Variants in PIP5K1B observed in about 807,000 individuals in gnomAD.
PIP5K1B encodes phosphatidylinositol-4-phosphate 5-kinase type 1 beta.
PIP5K1B carries 42 observed loss-of-function variants against 67.0 expected under a neutral mutation model. The observed-to-expected ratio is 0.63, with a 90% CI of 0.49 to 0.81. The LOEUF is 0.81. Among genes scored for constraint, PIP5K1B ranks in the 30% least tolerant of loss-of-function variants. PIP5K1B has a pLI of 0.00. For synonymous variants in PIP5K1B, 214 were observed against 231.4 expected (o/e 0.92, Z 0.68); for missense variants, 459 against 646.3 (o/e 0.71, Z 3.14).
At chr9:68,794,714 T>A (rs886561769) in intron 2 of PIP5K1B, among the ~76,000 whole-genome samples, 3 of 144,200 alleles carry the variant, frequency 2.1e-5, no homozygotes, top group Admixed American at 6.9e-5. Context: ...AAAAAAAAAA[T>A]AGTTCATTGT....
At position 68,876,854 on chromosome 9, in the gene PIP5K1B, T is replaced by C. The variant is rs539230655; in HGVS notation, c.318+60T>C. 8.1e-6 allele frequency: 7 copies of C among 862,578 alleles called. No homozygotes were observed. In the East Asian group the frequency reaches 1.5e-4, roughly 18 times the overall value. The allele number at this position is 862,578 out of a possible 1,614,324, so 53.4% of individuals were successfully genotyped here. ...ATGTGTGATGTAAACATTTGTCTCA[T>C]AGCAACAGCAACAAGTGGCTTGTGT... On this transcript the variant is annotated intron_variant, in intron 6 of 15. Transcript: ENST00000265382.
At chr9:68,740,411 G>C (rs1369872966) in intron 1 of PIP5K1B, among the ~76,000 whole-genome samples, 1 of 152,180 alleles carries the variant, frequency 6.6e-6, no homozygotes, top group Non-Finnish European at 1.5e-5. Context: ...ACAGTCTCTT[G>C]GGTTCAGTGG....
intron 1 of PIP5K1B, among the ~76,000 whole-genome samples, chr9:68,737,381 A>C (rs938172923): frequency 5.9e-5 from 9 of 152,238 alleles, no homozygotes; most frequent in African/African-American, 2.2e-4. Context: ...GGACAGGATT[A>C]GACTATTGCT....
intron 2 of PIP5K1B, among the ~76,000 whole-genome samples, chr9:68,763,384 C>T (rs572700944): frequency 5.9e-5 from 9 of 152,150 alleles, no homozygotes; most frequent in Admixed American, 1.3e-4. Context: ...CACTACCTAC[C>T]TTGTGGGGTT....
At chr9:68,718,809 T>C (rs1226971268) in intron 1 of PIP5K1B, among the ~76,000 whole-genome samples, 1 of 152,210 alleles carries the variant, frequency 6.6e-6, no homozygotes, top group East Asian at 1.9e-4. Context: ...TGCTGTCTTC[T>C]AAAATCTTGT....
intron 4 of PIP5K1B, among the ~76,000 whole-genome samples, chr9:68,844,982 G>A (rs1370374999): frequency 1.3e-5 from 2 of 152,178 alleles, no homozygotes; most frequent in Non-Finnish European, 2.9e-5. Flanking sequence ...ATGGTGGAAT[G>A]AAATATGTTA....
At chr9:68,756,997 A>G (rs937097698) in intron 2 of PIP5K1B, among the ~76,000 whole-genome samples, 1 of 152,188 alleles carries the variant, frequency 6.6e-6, no homozygotes, top group South Asian at 2.1e-4. Flanking sequence ...CTTATAGCAC[A>G]TATTAGTTTA....
intron 1 of PIP5K1B, among the ~76,000 whole-genome samples, chr9:68,710,842 G>A (rs1827355305): frequency 6.6e-6 from 1 of 152,180 alleles, no homozygotes. Context: ...TTACATGATG[G>A]ATGCACAGTA....
intron 2 of PIP5K1B, among the ~76,000 whole-genome samples, chr9:68,813,905 T>C (rs1271844525): frequency 6.6e-6 from 1 of 152,210 alleles, no homozygotes; most frequent in Admixed American, 6.5e-5. Flanking sequence ...CCTCCAGAAC[T>C]GTGGGAAAAT....
intron 1 of PIP5K1B, among the ~76,000 whole-genome samples, chr9:68,733,493 A>G (rs1039318602): frequency 6.6e-6 from 1 of 152,146 alleles, no homozygotes; most frequent in African/African-American, 2.4e-5. Flanking sequence ...TGTTTATACT[A>G]TGCACAAACT....
intron 2 of PIP5K1B, chr9:68,780,980 C>G (rs746862768): frequency 6.2e-7 from 1 of 1,614,166 alleles, no homozygotes. Flanking sequence ...TGTCACCTGC[C>G]CAAGCGGCTT....
At chr9:68,946,800 A>T (rs1827826354) in intron 14 of PIP5K1B, among the ~76,000 whole-genome samples, 1 of 152,144 alleles carries the variant, frequency 6.6e-6, no homozygotes, top group Non-Finnish European at 1.5e-5. Flanking sequence ...GTCTTGCTAA[A>T]TCATCCCTTA....
intron 8 of PIP5K1B, among the ~76,000 whole-genome samples, chr9:68,910,746 A>C (rs188172835): frequency 6.2e-4 from 95 of 152,330 alleles, no homozygotes; most frequent in Non-Finnish European, 1.2e-3. Flanking sequence ...AATCATTAGT[A>C]AATTTGCATG....
chr9:68,727,704 T>C (rs569246985), intron 1 of PIP5K1B: 6 of 152,280 alleles, frequency 3.9e-5, no homozygotes, highest in Non-Finnish European at 2.9e-5. Flanking sequence ...GTAGAAGCAC[T>C]GATACTAAGT....
At chr9:68,729,051 A>G (rs1828286665) in intron 1 of PIP5K1B, 2 of 152,304 alleles carry the variant, frequency 1.3e-5, no homozygotes, top group Middle Eastern at 6.8e-3. Context: ...GGCACACTTA[A>G]TGATTTCTTC....
chr9:68,914,269 T>C (rs1421018626), intron 8 of PIP5K1B, among the ~76,000 whole-genome samples: 1 of 152,206 alleles, frequency 6.6e-6, no homozygotes, highest in Non-Finnish European at 1.5e-5. Context: ...GTTTTTAAGC[T>C]TGACCACTCC....
chr9:68,908,990 G>C (rs1564223830), intron 8 of PIP5K1B, among the ~76,000 whole-genome samples: 1 of 152,154 alleles, frequency 6.6e-6, no homozygotes, highest in Non-Finnish European at 1.5e-5. Context: ...TTCCATCAAA[G>C]ATTGATCAAG....
chr9:68,730,944 C>T (rs1828394999), intron 1 of PIP5K1B, among the ~76,000 whole-genome samples: 2 of 152,206 alleles, frequency 1.3e-5, no homozygotes, highest in African/African-American at 2.4e-5. Context: ...AAGGATTACC[C>T]TGAAATGGGG....
chr9:68,746,636 A>T (rs1314432516), intron 2 of PIP5K1B, among the ~76,000 whole-genome samples: 1 of 152,150 alleles, frequency 6.6e-6, no homozygotes, highest in Non-Finnish European at 1.5e-5. Context: ...GATGGCAGGC[A>T]TGGCCCAGAG....
Sources: gnomAD v4.1 joint callset for allele counts (sites outside exome capture counted in the v4.1 genomes callset) on GRCh38, gnomAD v4.1.1 for gene constraint, MANE v1.5 for transcripts, NCBI Gene and HGNC (gene_info 2026-07-23, HGNC 2026-07-21) for gene names.